The following TTC39A variants were observed in gnomAD, a reference collection of about 807,000 sequenced individuals.
TTC39A encodes tetratricopeptide repeat domain 39A.
In TTC39A, 46 loss-of-function variants were observed where a neutral mutation model predicts 82.3. That is an observed-to-expected ratio of 0.56 (90% confidence interval 0.44 to 0.71). TTC39A has a LOEUF of 0.71. TTC39A is among the 30% of genes least tolerant of loss of function. The pLI is 0.00. For missense variants in TTC39A, 543 were observed against 712.9 expected (o/e 0.76, Z 2.71); for synonymous variants, 254 against 275.2 (o/e 0.92, Z 0.76).
intron 2 of TTC39A, among the ~76,000 whole-genome samples, chr1:51,319,692 T>C (rs577979633): frequency 6.6e-6 from 1 of 151,252 alleles, no homozygotes; most frequent in Non-Finnish European, 1.5e-5. Flanking sequence ...TTTTTCTTTT[T>C]CTTTTTTTTT....
At chr1:51,295,762 C>T in intron 13 of TTC39A, 1 of 410,674 alleles carries the variant, frequency 2.4e-6, no homozygotes, top group Non-Finnish European at 4.5e-6. Context: ...GAAAGACCTT[C>T]CCTCCCTGGA....
intron 12 of TTC39A, chr1:51,300,604 G>A (rs999967352): frequency 4.6e-5 from 7 of 152,198 alleles, no homozygotes; most frequent in Non-Finnish European, 7.3e-5. Context: ...GAGCTAGGTG[G>A]TTGTAAGACT....
chr1:51,314,093 C>T (rs1645194383), intron 2 of TTC39A, among the ~76,000 whole-genome samples: 1 of 152,214 alleles, frequency 6.6e-6, no homozygotes, highest in South Asian at 2.1e-4. Flanking sequence ...AGGGCTGAGC[C>T]AAGGTGGCCT....
At chr1:51,308,720 T>C (rs1644966831) in intron 6 of TTC39A, among the ~76,000 whole-genome samples, 1 of 152,142 alleles carries the variant, frequency 6.6e-6, no homozygotes, top group South Asian at 2.1e-4. Flanking sequence ...CCAGTTTGAA[T>C]GTCAAGGATC....
At chr1:51,330,973 T>G, upstream of TTC39A, 1 of 653,912 alleles carries the variant, frequency 1.5e-6, no homozygotes. This position sits in a 1 kb window ranked among gnomAD's most constrained non-coding sequence, Gnocchi z 4.5. Context: ...GGCCTGGATT[T>G]TAATCCCACC....
intron 12 of TTC39A, chr1:51,299,658 G>C (rs985297621): frequency 6.6e-6 from 1 of 152,340 alleles, no homozygotes; most frequent in South Asian, 2.1e-4. Flanking sequence ...TCTGGGGACT[G>C]AGCCAGATTT....
upstream of TTC39A, chr1:51,330,727 C>T (rs984102955): frequency 1.4e-6 from 1 of 706,400 alleles, no homozygotes. This position sits in a 1 kb window ranked among gnomAD's most constrained non-coding sequence, Gnocchi z 4.5. Context: ...ACCCCCGCTC[C>T]GACAGGTGAG....
At chr1:51,324,686 T>C (rs1216069315) in intron 1 of TTC39A, among the ~76,000 whole-genome samples, 1 of 151,876 alleles carries the variant, frequency 6.6e-6, no homozygotes, top group Non-Finnish European at 1.5e-5. Flanking sequence ...CATGCCCGAC[T>C]AATTTTTTTG....
In TTC39A at chr1:51,294,598, CCT is replaced by C. The variant is rs1425540704; in HGVS notation, c.1146-89_1146-88del. ...CCAGCCTACCCAGCTATGCTTGGCG[CCT>C]CTCTGGGCCTCAGTTTCCCCATCTG... On this transcript the variant is annotated intron_variant, in intron 13 of 17. Transcript: ENST00000680483. The surrounding 1 kb of genome is among the most constrained non-coding windows in gnomAD (Gnocchi z 4.3). The C allele has an allele frequency of 2.4e-5, 37 of 1,561,898 alleles. No individual in the cohort carries two copies. The highest frequency in any genetic ancestry group is 3.0e-5 in the Non-Finnish European group (35 of 1,150,832).
At chr1:51,339,060 G>A (rs1188191992) in intron 1 of TTC39A, among the ~76,000 whole-genome samples, 1 of 152,328 alleles carries the variant, frequency 6.6e-6, no homozygotes, top group Non-Finnish European at 1.5e-5. Flanking sequence ...GAGGAAGGAC[G>A]TATCTTAGCT....
intron 5 of TTC39A, among the ~76,000 whole-genome samples, chr1:51,310,207 G>A (rs1174706937): frequency 1.3e-5 from 2 of 151,944 alleles, no homozygotes; most frequent in African/African-American, 2.4e-5. Flanking sequence ...ACTGCACTCC[G>A]GCCTGGGCGA....
chr1:51,326,827 C>T (rs1012096846), intron 1 of TTC39A, among the ~76,000 whole-genome samples: 1 of 152,206 alleles, frequency 6.6e-6, no homozygotes, highest in African/African-American at 2.4e-5. Context: ...CCTTGCCTGG[C>T]CCAGGTGACA....
intron 1 of TTC39A, among the ~76,000 whole-genome samples, chr1:51,322,933 T>C (rs1159717338): frequency 2.0e-5 from 3 of 152,228 alleles, no homozygotes; most frequent in Non-Finnish European, 4.4e-5. Flanking sequence ...CCAGGCAAAT[T>C]GAAACATGTC....
chr1:51,296,268 G>C, intron 12 of TTC39A, 98 bp from the exon 13 acceptor site: 1 of 1,163,500 alleles, frequency 8.6e-7, no homozygotes, highest in Non-Finnish European at 1.2e-6. Flanking sequence ...CAGCACAGGA[G>C]CTCCCGTTGT....
intron 16 of TTC39A, 73 bp from the exon 17 acceptor site, chr1:51,289,028 C>G: frequency 7.1e-7 from 1 of 1,410,000 alleles, no homozygotes; most frequent in East Asian, 2.5e-5. Context: ...GATTTCCTAA[C>G]CCGAACTCCA....
rs367686900 is a variant in TTC39A at position 51,299,323 on chromosome 1, T to C, written c.1053+2249A>G. 3.3e-5 allele frequency: 5 copies of C among 152,364 alleles called. No individual in the cohort carries two copies. In the East Asian group the frequency reaches 9.6e-4, roughly 29 times the overall value. The allele number at this position is 152,364 out of a possible 1,614,324, so 9.4% of individuals were successfully genotyped here. ...TGCTGACTCTGGCAGGGGTCCCCCA[T>C]CTGCTGACAGGCAAGCCTGTGTCTG... On this transcript the variant is annotated intron_variant, in intron 12 of 17. Transcript: ENST00000680483.
intron 1 of TTC39A, chr1:51,322,415 T>C: frequency 2.3e-6 from 1 of 437,016 alleles, no homozygotes. Flanking sequence ...CTATAGCTTT[T>C]ACCACCCTCT....
intron 5 of TTC39A, among the ~76,000 whole-genome samples, chr1:51,310,723 GCTC>G (rs1364488305): frequency 6.6e-6 from 1 of 152,192 alleles, no homozygotes; most frequent in East Asian, 1.9e-4. Context: ...TCAAATCCCT[GCTC>G]ATCATTTTCT....
chr1:51,315,752 T>C (rs548447509), intron 2 of TTC39A, among the ~76,000 whole-genome samples: 38 of 152,282 alleles, frequency 2.5e-4, no homozygotes, highest in Non-Finnish European at 4.9e-4. Flanking sequence ...AGACCCTCAT[T>C]CACTACTGAG....
Sources: allele counts gnomAD v4.1 joint callset (sites outside exome capture counted in the v4.1 genomes callset), GRCh38; gene constraint gnomAD v4.1.1; non-coding constraint Gnocchi (gnomAD v3.1); transcripts MANE v1.5; gene names NCBI Gene and HGNC (gene_info 2026-07-23, HGNC 2026-07-21).